ZNF577: variants seen among roughly 807,000 people sequenced by gnomAD.
ZNF577 encodes the protein zinc finger protein 577.
In ZNF577, 14 loss-of-function variants were observed where a neutral mutation model predicts 13.9. The observed-to-expected ratio is 1.00, with a 90% CI of 0.66 to 1.57. ZNF577 has a LOEUF of 1.57. Ranked by LOEUF, ZNF577 falls within the 40% of genes most tolerant of loss-of-function variation. The pLI, the probability that ZNF577 is intolerant of heterozygous loss-of-function variation, is 0.00. For synonymous variants in ZNF577, 203 were observed against 202.9 expected (o/e 1.00, Z 0.00); for missense variants, 555 against 579.2 (o/e 0.96, Z 0.43).
intron 9 of ZNF577, among the ~76,000 whole-genome samples, chr19:51,835,388 T>C (rs62110082): frequency 0.041 from 6,200 of 150,122 alleles, 156 homozygotes; most frequent in South Asian, 0.097. Context: ...AGTAAAGAAA[T>C]TGAATTTCTA....
intron 9 of ZNF577, among the ~76,000 whole-genome samples, chr19:51,832,172 T>C (rs537255077): frequency 6.6e-6 from 1 of 152,220 alleles, no homozygotes; most frequent in South Asian, 2.1e-4. Flanking sequence ...TCATCTGTCA[T>C]TTTTCAGTGA....
intron 9 of ZNF577, among the ~76,000 whole-genome samples, chr19:51,836,147 C>A (rs983664321): frequency 1.3e-5 from 2 of 152,060 alleles, no homozygotes; most frequent in Non-Finnish European, 2.9e-5. Context: ...TAATAAAAAC[C>A]TTTGTTTCTA....
At position 51,885,422 on chromosome 19, in the gene ZNF577, T is replaced by C. The variant is rs116956580; in HGVS notation, c.-219+1399A>G. ...CTCTCAGTTACTGAGAGAAGTATGT[T>C]AAGAATTTCCCATTATGATTGGGCA... On this transcript the variant is annotated intron_variant, in intron 1 of 5. Coordinates refer to ENST00000638348, the MANE Select transcript of ZNF577 (RefSeq NM_001370449.1). 9.9e-3 allele frequency among the ~76,000 whole-genome samples: 1,508 copies of C among 152,316 alleles called. 15 individuals carry two copies. Among genetic ancestry groups the C allele is most frequent in the South Asian group, 0.019 (93 of 4,822 alleles).
At chr19:51,853,221 G>A (rs139016389) in intron 5 of ZNF577, among the ~76,000 whole-genome samples, 30 of 152,318 alleles carry the variant, frequency 2.0e-4, no homozygotes, top group African/African-American at 5.5e-4. Flanking sequence ...ACAGGCATGA[G>A]CCAGGTGATG....
chr19:51,823,790 G>C, intron 9 of ZNF577: 2 of 1,610,656 alleles, frequency 1.2e-6, no homozygotes, highest in Non-Finnish European at 1.7e-6. Flanking sequence ...AAACTGAGGA[G>C]GTGCTCCCTG....
chr19:51,861,556 T>C (rs79609361), intron 5 of ZNF577: 1 of 152,332 alleles, frequency 6.6e-6, no homozygotes. Flanking sequence ...ATTACAATCA[T>C]AGTATTCATG....
chr19:51,870,307 A>G lies in ZNF577; in HGVS notation c.*2225T>C, dbSNP rs1420999120. ...GGTAAGTTTGTATTGGATGCCAGAC[A>G]TGGTCAATTACTGACTGGTAGATTG... On this transcript the variant is annotated 3_prime_UTR_variant, in exon 6 of 6. Coordinates refer to ENST00000638348, the MANE Select transcript of ZNF577 (RefSeq NM_001370449.1). Among the ~76,000 whole-genome samples, 2 of 152,340 alleles carry G rather than the reference A, an allele frequency of 1.3e-5. No homozygotes were observed. The highest frequency in any genetic ancestry group is 1.9e-4 in the East Asian group (1 of 5,184).
At position 51,871,748 on chromosome 19, in the gene ZNF577, T is replaced by C. The variant is rs963605791; in HGVS notation, c.*784A>G. The C allele has an allele frequency of 3.9e-5, 6 of 151,946 alleles. No individual in the cohort carries two copies. Among genetic ancestry groups the C allele is most frequent in the Non-Finnish European group, 7.3e-5 (5 of 68,044 alleles). The allele number at this position is 151,946 out of a possible 1,614,324, so 9.4% of individuals were successfully genotyped here. On this transcript the variant is annotated 3_prime_UTR_variant, in exon 6 of 6. Transcript: ENST00000638348. ...AAGTGTTTGAGTGATGTAAGACTGA[T>C]TGGCCATTGCTGGTTTTGAAAGGAG...
intron 5 of ZNF577, among the ~76,000 whole-genome samples, chr19:51,859,813 A>G (rs552113535): frequency 3.0e-4 from 46 of 152,226 alleles, no homozygotes; most frequent in African/African-American, 1.1e-3. Context: ...ATTTTGTCTT[A>G]TGTTGAGAAT....
chr19:51,868,110 G>T lies in ZNF577; in HGVS notation c.*4422C>A, dbSNP rs1413823765. Among the ~76,000 whole-genome samples the T allele has an allele frequency of 6.6e-6, 1 of 152,182 alleles. No individual in the cohort carries two copies. Among genetic ancestry groups the T allele is most frequent in the Non-Finnish European group, 1.5e-5 (1 of 68,026 alleles). On this transcript the variant is annotated 3_prime_UTR_variant, in exon 6 of 6. Coordinates refer to ENST00000638348, the MANE Select transcript of ZNF577 (RefSeq NM_001370449.1). ...TCTGTAAATCTGTGCACCAGCAGTT[G>T]TAGGTTTTTAAGTGTGTCAAATTTC...
rs1356448583 is a variant in ZNF577, at chr19:51,869,345, G to A, written c.*3187C>T. Among the ~76,000 whole-genome samples, 2 of 152,174 alleles carry A rather than the reference G, an allele frequency of 1.3e-5. No homozygotes were observed. The highest frequency in any genetic ancestry group is 4.8e-5 in the African/African-American group (2 of 41,438). On this transcript the variant is annotated 3_prime_UTR_variant, in exon 6 of 6. Coordinates refer to ENST00000638348, the MANE Select transcript of ZNF577 (RefSeq NM_001370449.1). ...TGTTCTTTACTGCACTGAGATATTT[G>A]TGTAAAGTCAAACATAAATCTGGCC...
At chr19:51,836,991 C>G (rs2084290711) in intron 9 of ZNF577, among the ~76,000 whole-genome samples, 1 of 150,078 alleles carries the variant, frequency 6.7e-6, no homozygotes, top group African/African-American at 2.5e-5. Context: ...TTGCAGTGAG[C>G]CCAGAGGGCG....
In ZNF577 at chr19:51,837,485, T is replaced by C. The variant is rs1186468293; in HGVS notation, c.*599+2408A>G. ...GACAGCAAATGGCTGGTAGGTTCTA[T>C]TTTAAATTTAAGCCCAAGTAACCAT... On this transcript the variant is annotated intron_variant and NMD_transcript_variant, in intron 9 of 10. Transcript: ENST00000638827. 2.6e-5 allele frequency among the ~76,000 whole-genome samples: 4 copies of C among 152,224 alleles called. 1 individual carries two copies. The South Asian group carries it at 8.3e-4, about 31-fold the overall frequency.
At chr19:51,861,113 C>CTTTTTTTTTTTTTT (rs368241227) in intron 5 of ZNF577, 1 of 167,932 alleles carries the variant, frequency 6.0e-6, no homozygotes, top group Non-Finnish European at 9.9e-6. Flanking sequence ...TTGACTCTCT[C>CTTTTTTTTTTTTTT]TTTTTTTTTT....
At chr19:51,850,825 A>G (rs557505134) in intron 5 of ZNF577, among the ~76,000 whole-genome samples, 1 of 152,370 alleles carries the variant, frequency 6.6e-6, no homozygotes, top group East Asian at 1.9e-4. Flanking sequence ...TGGTGGTAAC[A>G]TGATTCTATT....
At chr19:51,848,038 G>A (rs1231272169) in intron 5 of ZNF577, among the ~76,000 whole-genome samples, 2 of 152,138 alleles carry the variant, frequency 1.3e-5, no homozygotes, top group Admixed American at 6.5e-5. Flanking sequence ...CTTGGAAGAC[G>A]CAGTACAGAC....
chr19:51,846,942 T>C (rs188133849), intron 5 of ZNF577, among the ~76,000 whole-genome samples: 26 of 152,316 alleles, frequency 1.7e-4, no homozygotes, highest in East Asian at 1.2e-3. Flanking sequence ...TGCCAGCACT[T>C]TGTCAGGGAC....
At position 51,880,305 on chromosome 19, in the gene ZNF577, C is replaced by G. The variant is rs746460016; in HGVS notation, c.60+18G>C. ...AGGAAAGAAGTTTCTCAAGCTCTCA[C>G]AGCAATGACAAATTTACCTCCCCTG... On this transcript the variant is annotated intron_variant, in intron 3 of 5. Coordinates refer to ENST00000638348, the MANE Select transcript of ZNF577 (RefSeq NM_001370449.1). 6.2e-7 allele frequency: 1 copy of G among 1,612,810 alleles called. No individual in the cohort carries two copies.
intron 9 of ZNF577, among the ~76,000 whole-genome samples, chr19:51,831,244 T>C (rs973285543): frequency 5.3e-5 from 8 of 152,130 alleles, no homozygotes; most frequent in African/African-American, 1.9e-4. Context: ...GCCTCCTAAG[T>C]AGTTGGGGTT....
Sources: gnomAD v4.1 joint callset for allele counts (sites outside exome capture counted in the v4.1 genomes callset) on GRCh38, gnomAD v4.1.1 for gene constraint, MANE v1.5 for transcripts, NCBI Gene and HGNC (gene_info 2026-07-23, HGNC 2026-07-21) for gene names.